Variants in MAGI2 observed in about 807,000 individuals in gnomAD.
MAGI2 encodes membrane-associated guanylate kinase, WW and PDZ domain-containing protein 2.
Under a neutral mutation model 133.3 loss-of-function variants are expected in MAGI2, and 35 were observed. That is an observed-to-expected ratio of 0.26 (90% CI 0.20 to 0.35). MAGI2 has a LOEUF of 0.35. Ranked by LOEUF, MAGI2 falls within the 10% of genes least tolerant of loss-of-function variation. The pLI is 1.00. For missense variants in MAGI2, 1,636 were observed against 1,863.4 expected, an observed-to-expected ratio of 0.88 and a Z score of 2.25; for synonymous variants, 729 against 710.6, an observed-to-expected ratio of 1.03 and a Z score of -0.41.
chr7:78,387,707 G>C (rs1185659350), intron 6 of MAGI2, among the ~76,000 whole-genome samples: 2 of 152,126 alleles, frequency 1.3e-5, no homozygotes, highest in Non-Finnish European at 2.9e-5. Context: ...CGGGCAGATT[G>C]CTTGAGCCCA....
chr7:79,163,404 C>T (rs1414221894), intron 1 of MAGI2, among the ~76,000 whole-genome samples: 2 of 151,986 alleles, frequency 1.3e-5, no homozygotes, highest in African/African-American at 2.4e-5. Context: ...CAACTCCTGA[C>T]CTCAAGTGAT....
At chr7:78,220,493 G>A (rs1037958465) in intron 10 of MAGI2, among the ~76,000 whole-genome samples, 5 of 152,218 alleles carry the variant, frequency 3.3e-5, no homozygotes, top group African/African-American at 1.2e-4. Context: ...GCCTACCAAA[G>A]TGACATGTAT....
chr7:78,703,823 TAC>T (rs748373418), intron 2 of MAGI2, among the ~76,000 whole-genome samples: 1 of 84,962 alleles, frequency 1.2e-5, no homozygotes, highest in Non-Finnish European at 2.4e-5. Flanking sequence ...CACACACACA[TAC>T]ACACACAAAC....
intron 6 of MAGI2, among the ~76,000 whole-genome samples, chr7:78,371,756 A>G (rs1344611881): frequency 6.6e-6 from 1 of 152,084 alleles, no homozygotes; most frequent in Non-Finnish European, 1.5e-5. Flanking sequence ...TTCATAAGAT[A>G]TCAACATGTT....
intron 3 of MAGI2, among the ~76,000 whole-genome samples, chr7:78,529,284 T>C (rs1797233169): frequency 6.6e-6 from 1 of 152,148 alleles, no homozygotes; most frequent in African/African-American, 2.4e-5. Flanking sequence ...AATGTAATTG[T>C]CCACAGACTG....
intron 19 of MAGI2, among the ~76,000 whole-genome samples, chr7:78,126,183 A>G (rs1820955500): frequency 8.4e-6 from 1 of 119,196 alleles, no homozygotes; most frequent in African/African-American, 3.4e-5. Context: ...AGCACCATAA[A>G]TAAATGTCAG....
At chr7:79,232,577 G>A (rs1210717389) in intron 1 of MAGI2, among the ~76,000 whole-genome samples, 1 of 78,020 alleles carries the variant, frequency 1.3e-5, no homozygotes, top group Non-Finnish European at 2.4e-5. Flanking sequence ...TAGTTTATTT[G>A]CGTAGAGGTG....
chr7:78,085,192 G>A (rs548236939), intron 20 of MAGI2, among the ~76,000 whole-genome samples: 19 of 152,250 alleles, frequency 1.2e-4, no homozygotes, highest in African/African-American at 4.1e-4. Context: ...ATTGAAAACT[G>A]TCTGAGACTC....
chr7:79,242,210 GATTCATATGCTA>G (rs1311861895), intron 1 of MAGI2, among the ~76,000 whole-genome samples: 7 of 152,204 alleles, frequency 4.6e-5, no homozygotes, highest in African/African-American at 1.7e-4. Flanking sequence ...CATGTGAGGT[GATTCATATGCTA>G]ATTAGCTTGA....
chr7:78,754,204 C>A (rs1266907883), intron 2 of MAGI2, among the ~76,000 whole-genome samples: 1 of 151,820 alleles, frequency 6.6e-6, no homozygotes, highest in Non-Finnish European at 1.5e-5. Context: ...TAGCAAAACC[C>A]TGCTATCTAC....
At chr7:78,055,707 A>G (rs62461171) in intron 21 of MAGI2, among the ~76,000 whole-genome samples, 28,224 of 152,170 alleles carry the variant, frequency 0.19, 3,387 homozygotes, top group Non-Finnish European at 0.28. Flanking sequence ...CAAAAACAGA[A>G]GCTGAACAAA....
intron 7 of MAGI2, among the ~76,000 whole-genome samples, chr7:78,351,068 C>G (rs921948252): frequency 2.0e-5 from 3 of 152,118 alleles, no homozygotes; most frequent in African/African-American, 7.2e-5. Flanking sequence ...TAAAATGTTT[C>G]CAAGGTATCC....
At chr7:79,279,050 T>C (rs1412006179) in intron 1 of MAGI2, among the ~76,000 whole-genome samples, 1 of 152,070 alleles carries the variant, frequency 6.6e-6, no homozygotes, top group Admixed American at 6.6e-5. Context: ...TTAGTACTCC[T>C]TCAGGCTGCT....
intron 1 of MAGI2, among the ~76,000 whole-genome samples, chr7:79,050,586 T>C (rs950906141): frequency 1.3e-5 from 2 of 152,178 alleles, no homozygotes; most frequent in South Asian, 4.1e-4. Flanking sequence ...CTTGATATGT[T>C]GCCAAGACTG....
At chr7:78,305,135 C>A (rs1056759366) in intron 9 of MAGI2, among the ~76,000 whole-genome samples, 1 of 152,176 alleles carries the variant, frequency 6.6e-6, no homozygotes, top group Non-Finnish European at 1.5e-5. Context: ...AATTGTCATG[C>A]ACTATAGACA....
At chr7:78,381,524 C>T (rs774721349) in intron 6 of MAGI2, among the ~76,000 whole-genome samples, 1 of 151,922 alleles carries the variant, frequency 6.6e-6, no homozygotes, top group Non-Finnish European at 1.5e-5. Flanking sequence ...AAAAGATAAC[C>T]GATGAACTGG....
intron 2 of MAGI2, among the ~76,000 whole-genome samples, chr7:78,980,168 GT>G (rs974459858): frequency 4.7e-5 from 7 of 147,682 alleles, no homozygotes; most frequent in East Asian, 2.0e-4. Flanking sequence ...TCTGTTCTTT[GT>G]TTTTTTTTTC....
At chr7:78,520,629 A>G (rs1269190250) in intron 4 of MAGI2, among the ~76,000 whole-genome samples, 2 of 152,128 alleles carry the variant, frequency 1.3e-5, no homozygotes, top group South Asian at 2.1e-4. Flanking sequence ...GGCTACCAAA[A>G]TGCCACAGTT....
intron 2 of MAGI2, among the ~76,000 whole-genome samples, chr7:78,665,573 A>G (rs1479819519): frequency 6.6e-6 from 1 of 152,148 alleles, no homozygotes; most frequent in Non-Finnish European, 1.5e-5. Context: ...TAGAAGGTTG[A>G]TTTGGATTAT....
Sources: allele counts gnomAD v4.1 joint callset (sites outside exome capture counted in the v4.1 genomes callset), GRCh38; gene constraint gnomAD v4.1.1; transcripts MANE v1.5; gene names NCBI Gene and HGNC (gene_info 2026-07-23, HGNC 2026-07-21).